Variants in DGKI observed in about 807,000 individuals in gnomAD.
DGKI encodes the protein DAG kinase iota.
Under a neutral mutation model 147.5 loss-of-function variants are expected in DGKI, and 55 were observed. The ratio of observed to expected loss-of-function variants is 0.37; its 90% CI spans 0.30 to 0.47. The LOEUF (loss-of-function observed/expected upper bound fraction) is 0.47, where lower values mean the gene tolerates loss of function less well. Ranked by LOEUF, DGKI falls within the 20% of genes least tolerant of loss-of-function variation. The pLI is 1.00. For missense variants in DGKI, 1,007 were observed against 1,323.8 expected, an observed-to-expected ratio of 0.76 and a Z score of 3.71; for synonymous variants, 469 against 477.1, an observed-to-expected ratio of 0.98 and a Z score of 0.22.
intron 27 of DGKI, among the ~76,000 whole-genome samples, chr7:137,456,278 T>TG (rs1479786926): frequency 6.6e-6 from 1 of 152,346 alleles, no homozygotes; most frequent in East Asian, 1.9e-4. Flanking sequence ...AATATATAAA[T>TG]GGAACCCACA....
chr7:137,762,244 GA>G (rs1314346183), intron 1 of DGKI, among the ~76,000 whole-genome samples: 1 of 152,126 alleles, frequency 6.6e-6, no homozygotes, highest in African/African-American at 2.4e-5. Flanking sequence ...CTTCTTAATA[GA>G]TTCCTGGGAA....
chr7:137,715,746 T>A (rs543271712), intron 1 of DGKI, among the ~76,000 whole-genome samples: 15 of 152,218 alleles, frequency 9.9e-5, no homozygotes, highest in Non-Finnish European at 1.5e-4. Flanking sequence ...TGCTCCCTGA[T>A]GACTAACCAG....
intron 8 of DGKI, among the ~76,000 whole-genome samples, chr7:137,611,322 A>G (rs1444181321): frequency 1.3e-5 from 2 of 152,144 alleles, no homozygotes; most frequent in Non-Finnish European, 2.9e-5. Flanking sequence ...CATTGGCATC[A>G]CCCAGAGAGT....
At chr7:137,494,485 C>T (rs933567213) in intron 21 of DGKI, among the ~76,000 whole-genome samples, 8 of 152,074 alleles carry the variant, frequency 5.3e-5, no homozygotes, top group Non-Finnish European at 1.2e-4. Flanking sequence ...GAACAGAAAC[C>T]CTACAAGACA....
rs1405772525 is a variant in DGKI at position 137,389,865 on chromosome 7, T to G, written c.*1355A>C. The G allele has an allele frequency of 6.6e-6, 1 of 152,148 alleles. No homozygotes were observed. The highest frequency in any genetic ancestry group is 2.1e-4 in the South Asian group (1 of 4,822). 9.4% of individuals were successfully genotyped at this position (152,148 alleles called of 1,614,324 possible). ...AAAATAAAGTAGATAAAATAATATATTAGACTACCCCATACATAGAAAATG... is the reference window on the plus strand; with the variant it reads ...AAAATAAAGTAGATAAAATAATATAGTAGACTACCCCATACATAGAAAATG... On this transcript the variant is annotated 3_prime_UTR_variant, in exon 33 of 33. Transcript: ENST00000614521.
chr7:137,408,037 G>A lies in DGKI; in HGVS notation c.2800-42C>T, dbSNP rs116216817. The A allele has an allele frequency of 1.7e-3, 2,687 of 1,609,830 alleles. 41 individuals are homozygous for A. The African/African-American group carries it at 0.033, about 20-fold the overall frequency. ...ACAAAAAGAAGCTCAGGCAGAATTC[G>A]GAACAAGGATAACAGCTAACCGGTA... On this transcript the variant is annotated intron_variant, in intron 29 of 32. Transcript: ENST00000614521.
At chr7:137,702,099 T>C (rs572731638) in intron 1 of DGKI, among the ~76,000 whole-genome samples, 3 of 152,206 alleles carry the variant, frequency 2.0e-5, no homozygotes, top group African/African-American at 7.2e-5. Flanking sequence ...GTTATTCACA[T>C]GGGAAAAAAT....
At chr7:137,623,800 C>G (rs1367577409) in intron 6 of DGKI, among the ~76,000 whole-genome samples, 2 of 152,060 alleles carry the variant, frequency 1.3e-5, no homozygotes, top group Non-Finnish European at 2.9e-5. Flanking sequence ...CCTAGACCAC[C>G]TACTACTCAA....
chr7:137,619,166 A>C (rs1035483968), intron 8 of DGKI, among the ~76,000 whole-genome samples: 7 of 152,340 alleles, frequency 4.6e-5, no homozygotes, highest in African/African-American at 1.7e-4. Context: ...TGTATAGTAC[A>C]AAGGCAGAAA....
At chr7:137,791,787 G>T (rs1796861820) in intron 1 of DGKI, among the ~76,000 whole-genome samples, 1 of 152,160 alleles carries the variant, frequency 6.6e-6, no homozygotes, top group Admixed American at 6.5e-5. Context: ...TTATTTTAGG[G>T]GTGGGTGAAG....
At position 137,618,478 on chromosome 7, in the gene DGKI, A is replaced by AC. The variant is rs201256621; in HGVS notation, c.993+1345dup. On this transcript the variant is annotated intron_variant, in intron 8 of 32. Transcript: ENST00000614521. ...TCTTCTTCATGAAGCCCTCCCCCCCACTTCATAACAAGACTCTTAAGAGTA... is the reference window on the plus strand; with the variant it reads ...TCTTCTTCATGAAGCCCTCCCCCCCACCTTCATAACAAGACTCTTAAGAGTA... Among the ~76,000 whole-genome samples, 919 of 151,398 alleles carry AC rather than the reference A, an allele frequency of 6.1e-3. 14 individuals carry two copies. Among genetic ancestry groups the AC allele is most frequent in the African/African-American group, 0.021 (857 of 41,318 alleles).
chr7:137,577,371 T>G, intron 16 of DGKI, 87 bp from the exon 17 acceptor site: 1 of 941,672 alleles, frequency 1.1e-6, no homozygotes, highest in Non-Finnish European at 1.6e-6. Context: ...TTCCAAGGAT[T>G]CCAAAGTATG....
intron 20 of DGKI, among the ~76,000 whole-genome samples, chr7:137,551,206 G>A (rs1818034073): frequency 6.6e-6 from 1 of 152,134 alleles, no homozygotes; most frequent in Non-Finnish European, 1.5e-5. Flanking sequence ...TTTTACCCCA[G>A]CTTCAAACTG....
intron 6 of DGKI, among the ~76,000 whole-genome samples, chr7:137,636,162 T>C (rs1350896751): frequency 6.6e-6 from 1 of 152,168 alleles, no homozygotes; most frequent in East Asian, 1.9e-4. Flanking sequence ...TGAACAATTT[T>C]AATAATAAAT....
intron 6 of DGKI, among the ~76,000 whole-genome samples, chr7:137,627,278 A>AATT (rs1412666714): frequency 6.6e-5 from 10 of 152,128 alleles, no homozygotes; most frequent in African/African-American, 2.4e-4. Flanking sequence ...TGCCATTATA[A>AATT]ATAGCTGCCC....
chr7:137,685,580 T>C (rs755614405), intron 2 of DGKI, among the ~76,000 whole-genome samples: 22 of 152,228 alleles, frequency 1.4e-4, no homozygotes, highest in Admixed American at 5.9e-4. Flanking sequence ...ACTGGGAACT[T>C]GGAATCCATC....
At chr7:137,541,848 G>A (rs1435014923) in intron 20 of DGKI, among the ~76,000 whole-genome samples, 1 of 151,182 alleles carries the variant, frequency 6.6e-6, no homozygotes, top group Non-Finnish European at 1.5e-5. Context: ...ATTAGACAAA[G>A]AGTACTTTAA....
chr7:137,703,589 A>G (rs1018057340), intron 1 of DGKI, among the ~76,000 whole-genome samples: 1 of 152,236 alleles, frequency 6.6e-6, no homozygotes, highest in Non-Finnish European at 1.5e-5. Context: ...GTACTCAGGT[A>G]TTTAAGAAAG....
At chr7:137,408,060 G>A in intron 29 of DGKI, 65 bp from the exon 30 acceptor site, 2 of 1,582,698 alleles carry the variant, frequency 1.3e-6, no homozygotes, top group Non-Finnish European at 1.7e-6. Flanking sequence ...CAGCTAACCG[G>A]TAATAAAATG....
Sources: allele counts gnomAD v4.1 joint callset (sites outside exome capture counted in the v4.1 genomes callset), GRCh38; gene constraint gnomAD v4.1.1; transcripts MANE v1.5; gene names NCBI Gene and HGNC (gene_info 2026-07-23, HGNC 2026-07-21).